The following AIG1 variants were observed in gnomAD, a reference collection of about 807,000 sequenced individuals.
AIG1 encodes androgen-induced gene 1 protein.
A neutral mutation model predicts 31.4 loss-of-function variants in AIG1; 23 were observed. The ratio of observed to expected loss-of-function variants is 0.73; its 90% CI spans 0.53 to 1.04. The LOEUF is 1.04. AIG1 is among the 50% of genes least tolerant of loss of function. The pLI is 0.00. For missense variants in AIG1, 274 were observed against 295.0 expected (o/e 0.93, Z 0.52); for synonymous variants, 100 against 110.5 (o/e 0.90, Z 0.60).
chr6:143,233,579 C>CAAAAA (rs67282019), intron 3 of AIG1, among the ~76,000 whole-genome samples: 3 of 123,556 alleles, frequency 2.4e-5, no homozygotes, highest in Non-Finnish European at 3.3e-5. Flanking sequence ...ATTTATGGAC[C>CAAAAA]AAAAAAAAAA....
At chr6:143,106,690 C>T (rs1780834530) in intron 1 of AIG1, among the ~76,000 whole-genome samples, 1 of 152,174 alleles carries the variant, frequency 6.6e-6, no homozygotes, top group Non-Finnish European at 1.5e-5. Context: ...GCAACCTTGA[C>T]CTTGGGTTAG....
At chr6:143,169,797 G>A (rs1340194581) in intron 3 of AIG1, among the ~76,000 whole-genome samples, 1 of 152,064 alleles carries the variant, frequency 6.6e-6, no homozygotes, top group Non-Finnish European at 1.5e-5. Context: ...CTAATTTGTT[G>A]AGAGTTGTTA....
At position 143,292,101 on chromosome 6, in the gene AIG1, C is replaced by G. The variant is rs918934512; in HGVS notation, c.515+7876C>G. Among the ~76,000 whole-genome samples, 8 of 152,080 alleles carry G rather than the reference C, an allele frequency of 5.3e-5. No homozygotes were observed. The highest frequency in any genetic ancestry group is 1.0e-4 in the Non-Finnish European group (7 of 68,014). Reference sequence around the variant, plus strand: ...GGTAGGGTCAATAGGATTTCCTGGCCAAATTTAAATTAAACCCTGGACTCA... The same window carrying G: ...GGTAGGGTCAATAGGATTTCCTGGCGAAATTTAAATTAAACCCTGGACTCA... On this transcript the variant is annotated intron_variant, in intron 4 of 5. Transcript: ENST00000357847. The surrounding 1 kb of genome is among the most constrained non-coding windows in gnomAD (Gnocchi z 4.9).
In AIG1 at chr6:143,237,678, G is replaced by A. The variant is rs116862765; in HGVS notation, c.400-46432G>A. 3.0e-3 allele frequency among the ~76,000 whole-genome samples: 449 copies of A among 152,166 alleles called. 1 individual carries two copies. Among genetic ancestry groups the A allele is most frequent in the South Asian group, 6.9e-3 (33 of 4,814 alleles). On this transcript the variant is annotated intron_variant, in intron 3 of 5. Transcript: ENST00000357847. ...TGGAAAAACAATTTCTACTCTAACC[G>A]AACCTAGCTTTGAAGTAACTTTTCT... is the stretch of plus-strand genomic sequence containing the variant.
chr6:143,343,134 C>G (rs774286431), downstream of AIG1: 18 of 757,786 alleles, frequency 2.4e-5, no homozygotes, highest in Non-Finnish European at 4.2e-5. Flanking sequence ...GGAGGCTTGC[C>G]ATTATTTACT....
upstream of AIG1, chr6:143,060,500 C>T (rs1181469556): frequency 4.1e-5 from 10 of 241,768 alleles, 1 homozygote; most frequent in African/African-American, 1.7e-4. Context: ...GCCCGGCGCC[C>T]ACTAGCCACA....
intron 3 of AIG1, among the ~76,000 whole-genome samples, chr6:143,272,943 A>T (rs1424456224): frequency 6.6e-6 from 1 of 152,160 alleles, no homozygotes; most frequent in Non-Finnish European, 1.5e-5. Context: ...AGCCTGGCCA[A>T]CATGGTGAAA....
At chr6:143,233,765 T>G (rs750609559) in intron 3 of AIG1, among the ~76,000 whole-genome samples, 4 of 152,168 alleles carry the variant, frequency 2.6e-5, no homozygotes, top group Admixed American at 2.6e-4. Flanking sequence ...TACAATCTGT[T>G]TACACATTCA....
At chr6:143,253,204 C>A (rs1166628431) in intron 3 of AIG1, among the ~76,000 whole-genome samples, 2 of 152,202 alleles carry the variant, frequency 1.3e-5, no homozygotes, top group South Asian at 2.1e-4. Context: ...TCTGGTCTGT[C>A]ACACCTGGTA....
At chr6:143,169,807 A>G (rs1787319470) in intron 3 of AIG1, among the ~76,000 whole-genome samples, 1 of 152,110 alleles carries the variant, frequency 6.6e-6, no homozygotes. Flanking sequence ...GAGAGTTGTT[A>G]TTGTAAATGA....
chr6:143,135,959 C>T (rs537024221), intron 1 of AIG1, among the ~76,000 whole-genome samples: 2 of 152,272 alleles, frequency 1.3e-5, no homozygotes, highest in East Asian at 3.9e-4. Flanking sequence ...ACATTTTCTG[C>T]CCTTTCCATA....
chr6:143,181,074 T>C (rs1338233622), intron 3 of AIG1, among the ~76,000 whole-genome samples: 3 of 152,194 alleles, frequency 2.0e-5, no homozygotes, highest in African/African-American at 7.2e-5. Context: ...ATTGTGCCTT[T>C]CATTACTCAT....
At chr6:143,076,196 C>T (rs1777714322) in intron 1 of AIG1, among the ~76,000 whole-genome samples, 2 of 152,226 alleles carry the variant, frequency 1.3e-5, no homozygotes, top group South Asian at 2.1e-4. Flanking sequence ...TTGTCTATTT[C>T]CTAATTCAGT....
Position 143,139,292 on chromosome 6 carries a change from C to G in AIG1, c.297+2302C>G, listed in dbSNP as rs140119579. Among the ~76,000 whole-genome samples, 111 of 152,050 alleles carry G rather than the reference C, an allele frequency of 7.3e-4. 2 individuals are homozygous for G. The Middle Eastern group carries it at 0.024, about 33-fold the overall frequency. ...AGAGGAATAAAAGTGCCTTTCATCCCCACCCACCCCATCCCTCTTAAACCA... is the reference window on the plus strand; with the variant it reads ...AGAGGAATAAAAGTGCCTTTCATCCGCACCCACCCCATCCCTCTTAAACCA... On this transcript the variant is annotated intron_variant, in intron 2 of 5. Coordinates refer to ENST00000357847, the MANE Select transcript of AIG1 (RefSeq NM_016108.4).
intron 3 of AIG1, chr6:143,187,911 C>T (rs963041533): frequency 1.5e-6 from 2 of 1,348,380 alleles, no homozygotes; most frequent in Non-Finnish European, 1.9e-6. Flanking sequence ...GTTGGATGAA[C>T]ATGAATTTTT....
intron 1 of AIG1, among the ~76,000 whole-genome samples, chr6:143,075,487 G>T (rs1777654481): frequency 6.6e-6 from 1 of 152,046 alleles, no homozygotes; most frequent in Non-Finnish European, 1.5e-5. Flanking sequence ...GTACTTTTTG[G>T]TAGGGACGGG....
chr6:143,184,617 A>G (rs970357842), intron 3 of AIG1, among the ~76,000 whole-genome samples: 18 of 152,298 alleles, frequency 1.2e-4, no homozygotes, highest in African/African-American at 3.8e-4. Context: ...GATCGGCCCC[A>G]GCTTCCTCAT....
chr6:143,327,696 TAA>T lies in AIG1; in HGVS notation c.516-5573_516-5572del, dbSNP rs34603415. 819 of 149,782 alleles carry T rather than the reference TAA, an allele frequency of 5.5e-3. 4 individuals are homozygous for T. The highest frequency in any genetic ancestry group is 0.012 in the South Asian group (60 of 5,192). The allele number at this position is 149,782 out of a possible 1,614,324, so 9.3% of individuals were successfully genotyped here. A position where few individuals can be genotyped will look rare whatever the true frequency, so the allele number is the denominator to read the frequency against. On this transcript the variant is annotated intron_variant, in intron 4 of 5. Coordinates refer to ENST00000357847, the MANE Select transcript of AIG1 (RefSeq NM_016108.4). The surrounding 1 kb of genome is among the most constrained non-coding windows in gnomAD (Gnocchi z 5.3). The stretch of plus-strand genomic sequence containing the variant: ...TACATCAAATAAAGTTATAAAATTG[TAA>T]AAAAAAAAAAAAGATAATGGATTAA...
rs1208717502 is a variant in AIG1 at position 143,329,426 on chromosome 6, G to A, written c.516-3856G>A. Among the ~76,000 whole-genome samples, 2 of 152,210 alleles carry A rather than the reference G, an allele frequency of 1.3e-5. No homozygotes were observed. The highest frequency in any genetic ancestry group is 6.5e-5 in the Admixed American group (1 of 15,274). ...TATAAGCACCACACTCAGAAGAGCT[G>A]TCTGCTTCTCTGCCTCGTAGGTTGC... On this transcript the variant is annotated intron_variant, in intron 4 of 5. Transcript: ENST00000357847. The surrounding 1 kb of genome is among the most constrained non-coding windows in gnomAD (Gnocchi z 4.9).
Sources: gnomAD v4.1 joint callset for allele counts (sites outside exome capture counted in the v4.1 genomes callset) on GRCh38, gnomAD v4.1.1 for gene constraint, Gnocchi (gnomAD v3.1) non-coding constraint, MANE v1.5 for transcripts, NCBI Gene and HGNC (gene_info 2026-07-23, HGNC 2026-07-21) for gene names.